Variants in ATF2 observed in about 807,000 individuals in gnomAD.
ATF2 encodes the protein activating transcription factor 2.
Under a neutral mutation model 60.6 loss-of-function variants are expected in ATF2, and 24 were observed. That is an observed-to-expected ratio of 0.40 (90% CI 0.29 to 0.56). The LOEUF (loss-of-function observed/expected upper bound fraction) is 0.56, where lower values mean the gene tolerates loss of function less well. Ranked by LOEUF, ATF2 falls within the 20% of genes least tolerant of loss-of-function variation. The probability of loss-of-function intolerance (pLI) is 0.54; values close to 1 mark genes in which losing one functional copy is unlikely to be tolerated. For synonymous variants in ATF2, 206 were observed against 215.4 expected (o/e 0.96, Z 0.38); for missense variants, 433 against 607.7 (o/e 0.71, Z 3.02).
At chr2:175,115,725 T>TAGC (rs1381883962) in intron 7 of ATF2, among the ~76,000 whole-genome samples, 1 of 152,180 alleles carries the variant, frequency 6.6e-6, no homozygotes, top group Admixed American at 6.5e-5. Context: ...TCCCAAGGAC[T>TAGC]AGCTCTCAAG....
intron 10 of ATF2, 129 bp from the exon 11 acceptor site, chr2:175,097,722 G>GT: frequency 1.1e-6 from 1 of 921,626 alleles, no homozygotes; most frequent in Non-Finnish European, 1.6e-6. Flanking sequence ...AGAGGATTCT[G>GT]TATTTTGCTG....
intron 9 of ATF2, among the ~76,000 whole-genome samples, chr2:175,113,031 TAG>T (rs1416117678): frequency 4.1e-5 from 6 of 146,358 alleles, no homozygotes; most frequent in African/African-American, 1.6e-4. Flanking sequence ...GAGAGAATAA[TAG>T]AGAGATTCAT....
intron 7 of ATF2, among the ~76,000 whole-genome samples, chr2:175,117,562 C>T (rs950088656): frequency 3.3e-5 from 5 of 151,952 alleles, no homozygotes; most frequent in Non-Finnish European, 7.4e-5. Context: ...GTATCATCAT[C>T]GTCCTAATTG....
In ATF2 at chr2:175,118,302, C is replaced by A. The variant is rs146145585; in HGVS notation, c.267G>T (p.Ala89=). Residue 89 remains alanine, a synonymous_variant, in exon 6 of 14, where the codon GCG becomes GCT. Coordinates refer to ENST00000264110, the MANE Select transcript of ATF2 (RefSeq NM_001880.4). ...TCTTGAATTCATTCTCAAATGGACTCGCCAACTCATTAAACAAACCCACTT... is the reference window on the plus strand; with the variant it reads ...TCTTGAATTCATTCTCAAATGGACTAGCCAACTCATTAAACAAACCCACTT... ...CEEVGLFNEL[A]SPFENEFKKA... 6.2e-7 allele frequency: 1 copy of A among 1,610,928 alleles called. No individual in the cohort carries two copies. The highest frequency in any genetic ancestry group is 8.5e-7 in the Non-Finnish European group (1 of 1,178,380).
intron 5 of ATF2, among the ~76,000 whole-genome samples, chr2:175,119,627 T>C (rs1696814840): frequency 6.6e-6 from 1 of 151,602 alleles, no homozygotes; most frequent in Non-Finnish European, 1.5e-5. Context: ...TATCATAATT[T>C]TACTAGTTTC....
At position 175,168,128 on chromosome 2, in the gene ATF2, A is replaced by T. The variant is rs891853989; in HGVS notation, c.-221T>A. 1 of 158,214 alleles carries T rather than the reference A, an allele frequency of 6.3e-6. No homozygotes were observed. Among genetic ancestry groups the T allele is most frequent in the Non-Finnish European group, 1.4e-5 (1 of 70,864 alleles). The allele number at this position is 158,214 out of a possible 1,614,324, so 9.8% of individuals were successfully genotyped here. On this transcript the variant is annotated 5_prime_UTR_variant, in exon 1 of 14. Transcript: ENST00000264110. Reference sequence around the variant, plus strand: ...AGCCGTGTTTACAAAGCACCCCTGGAGGAAAAGGCTGAACGGCACTTTAAA... The same window carrying T: ...AGCCGTGTTTACAAAGCACCCCTGGTGGAAAAGGCTGAACGGCACTTTAAA...
chr2:175,120,817 G>T (rs1250550941), intron 5 of ATF2, among the ~76,000 whole-genome samples: 2 of 151,448 alleles, frequency 1.3e-5, no homozygotes, highest in African/African-American at 4.8e-5. Context: ...CCAAAAAAAG[G>T]CAGCTAATAC....
chr2:175,139,119 A>T (rs1698328234), intron 2 of ATF2, among the ~76,000 whole-genome samples: 1 of 152,248 alleles, frequency 6.6e-6, no homozygotes, highest in African/African-American at 2.4e-5. Flanking sequence ...ATAAAATGGC[A>T]GCTGCAGTTC....
chr2:175,149,061 G>T (rs1419358057), intron 2 of ATF2, among the ~76,000 whole-genome samples: 3 of 152,152 alleles, frequency 2.0e-5, no homozygotes, highest in Non-Finnish European at 4.4e-5. Context: ...ATATTTTATA[G>T]AGTTTCACTC....
At chr2:175,121,885 T>C (rs914167862) in intron 4 of ATF2, among the ~76,000 whole-genome samples, 2 of 151,924 alleles carry the variant, frequency 1.3e-5, no homozygotes, top group African/African-American at 2.4e-5. Context: ...GTAGAAACTA[T>C]ACTCCATGGT....
At chr2:175,159,577 C>T (rs141129335) in intron 1 of ATF2, among the ~76,000 whole-genome samples, 327 of 152,098 alleles carry the variant, frequency 2.1e-3, no homozygotes, top group African/African-American at 7.6e-3. Flanking sequence ...TGATGGTACA[C>T]GTAAAAAGTA....
chr2:175,089,067 C>G (rs1016925665), intron 12 of ATF2, among the ~76,000 whole-genome samples: 1 of 151,938 alleles, frequency 6.6e-6, no homozygotes, highest in Non-Finnish European at 1.5e-5. Context: ...GTAATCCCAG[C>G]TACTCAGGAG....
intron 12 of ATF2, among the ~76,000 whole-genome samples, chr2:175,088,533 A>G (rs1330849973): frequency 2.0e-5 from 3 of 151,972 alleles, no homozygotes; most frequent in Admixed American, 6.6e-5. Context: ...CTCCACACAC[A>G]TTTTGCAGTA....
intron 4 of ATF2, among the ~76,000 whole-genome samples, chr2:175,125,028 A>G (rs1697232513): frequency 6.6e-6 from 1 of 152,118 alleles, no homozygotes; most frequent in Non-Finnish European, 1.5e-5. Flanking sequence ...TCATTTCTAT[A>G]GGACTCTCTC....
chr2:175,133,904 A>C (rs1697931837), intron 3 of ATF2, among the ~76,000 whole-genome samples: 1 of 152,194 alleles, frequency 6.6e-6, no homozygotes, highest in African/African-American at 2.4e-5. Flanking sequence ...AAAAAGGAGC[A>C]AACAGTTATT....
intron 8 of ATF2, chr2:175,114,344 G>A: frequency 7.9e-7 from 1 of 1,259,972 alleles, no homozygotes; most frequent in Non-Finnish European, 9.9e-7. Context: ...TCTCCAATTT[G>A]TAAAATGAGA....
intron 1 of ATF2, among the ~76,000 whole-genome samples, chr2:175,165,574 G>T (rs1700298438): frequency 6.6e-6 from 1 of 152,180 alleles, no homozygotes; most frequent in South Asian, 2.1e-4. Context: ...TTTGATGTAT[G>T]GCATATTTTT....
chr2:175,105,666 A>C (rs967839622), intron 10 of ATF2, among the ~76,000 whole-genome samples: 3 of 152,226 alleles, frequency 2.0e-5, no homozygotes, highest in African/African-American at 7.2e-5. Flanking sequence ...CTGACATTTT[A>C]AGTTACCAGT....
chr2:175,123,231 G>A (rs748994825), intron 4 of ATF2, among the ~76,000 whole-genome samples: 54 of 152,018 alleles, frequency 3.6e-4, no homozygotes, highest in Admixed American at 8.5e-4. Flanking sequence ...AAAGTTCTCA[G>A]AAAACGAACA....
Sources: gnomAD v4.1 joint callset for allele counts (sites outside exome capture counted in the v4.1 genomes callset) on GRCh38, gnomAD v4.1.1 for gene constraint, MANE v1.5 for transcripts, NCBI Gene and HGNC (gene_info 2026-07-23, HGNC 2026-07-21) for gene names.